Variants in RHOH observed in about 807,000 individuals in gnomAD.
The protein encoded by RHOH is rho-related GTP-binding protein RhoH.
In RHOH, 6 loss-of-function variants were observed where a neutral mutation model predicts 13.8. The ratio of observed to expected loss-of-function variants is 0.44; its 90% confidence interval spans 0.24 to 0.86. The LOEUF is 0.86. Ranked by LOEUF, RHOH falls within the 40% of genes least tolerant of loss-of-function variation. The pLI, the probability that RHOH is intolerant of heterozygous loss-of-function variation, is 0.24. For synonymous variants in RHOH, 117 were observed against 103.0 expected, an observed-to-expected ratio of 1.14 and a Z score of -0.82; for missense variants, 147 against 244.5, an observed-to-expected ratio of 0.60 and a Z score of 2.66.
At chr4:40,237,677 T>A (rs10031396) in intron 1 of RHOH, among the ~76,000 whole-genome samples, 1 of 152,042 alleles carries the variant, frequency 6.6e-6, no homozygotes, top group African/African-American at 2.4e-5. Context: ...TCTTAGTGAA[T>A]GAATCAGCTG....
chr4:40,227,023 G>A lies in RHOH; in HGVS notation c.-330-15691G>A, dbSNP rs529405716. Among the ~76,000 whole-genome samples, 110 of 152,198 alleles carry A rather than the reference G, an allele frequency of 7.2e-4. 2 individuals carry two copies. Among genetic ancestry groups the A allele is most frequent in the African/African-American group, 2.4e-3 (101 of 41,516 alleles). On this transcript the variant is annotated intron_variant, in intron 1 of 2. Transcript: ENST00000381799. ...AAAATACAAAAATTATCCGGGTGTG[G>A]TGGTGCATGCCTGTAATTCCAGCTA...
intron 1 of RHOH, among the ~76,000 whole-genome samples, chr4:40,238,294 G>A (rs1424850170): frequency 6.6e-6 from 1 of 152,258 alleles, no homozygotes; most frequent in Non-Finnish European, 1.5e-5. Context: ...GCTGAGTGAA[G>A]AGCAGGTCTT....
At chr4:40,191,854 G>T (rs1315263294), upstream of RHOH, among the ~76,000 whole-genome samples, 1 of 151,786 alleles carries the variant, frequency 6.6e-6, no homozygotes, top group African/African-American at 2.4e-5. Flanking sequence ...TAACAGCAGG[G>T]GAAATGATGT....
intron 1 of RHOH, among the ~76,000 whole-genome samples, chr4:40,224,235 T>G (rs1043647905): frequency 6.6e-6 from 1 of 152,254 alleles, no homozygotes; most frequent in Non-Finnish European, 1.5e-5. Context: ...ACCTAATTCC[T>G]TCTAATGCTG....
intron 1 of RHOH, among the ~76,000 whole-genome samples, chr4:40,229,681 T>C (rs1454270865): frequency 6.6e-6 from 1 of 151,480 alleles, no homozygotes; most frequent in Non-Finnish European, 1.5e-5. Flanking sequence ...CCCCCACGCT[T>C]TAAAACTTTT....
intron 1 of RHOH, among the ~76,000 whole-genome samples, chr4:40,227,621 G>C (rs995753478): frequency 6.6e-6 from 1 of 152,034 alleles, no homozygotes; most frequent in Non-Finnish European, 1.5e-5. Flanking sequence ...GGAGTACCAG[G>C]AATCTGGGGA....
At chr4:40,202,709 CTG>C (rs1724159193) in intron 1 of RHOH, among the ~76,000 whole-genome samples, 1 of 152,140 alleles carries the variant, frequency 6.6e-6, no homozygotes, top group South Asian at 2.1e-4. Flanking sequence ...AAGTAAGTAA[CTG>C]TGTCCTGAGG....
chr4:40,231,474 C>T (rs59749454), intron 1 of RHOH, among the ~76,000 whole-genome samples: 1,589 of 152,290 alleles, frequency 0.01, 34 homozygotes, highest in African/African-American at 0.036. Flanking sequence ...CATATGACGG[C>T]AGCCTGTGGC....
In RHOH at chr4:40,243,295, TCCCC is replaced by T. The variant is rs770961428; in HGVS notation, c.-91_-88del. ...GGACACAGACCTACCTGGCTTGCAT[TCCCC>T]TTGCTGAATGGCGTGTGCTGCAGCT... On this transcript the variant is annotated 5_prime_UTR_variant, in exon 3 of 3. Transcript: ENST00000381799. The surrounding 1 kb of genome is among the most constrained non-coding windows in gnomAD (Gnocchi z 6.2). 4 of 1,160,834 alleles carry T rather than the reference TCCCC, an allele frequency of 3.4e-6. No homozygotes were observed. Among genetic ancestry groups the T allele is most frequent in the Non-Finnish European group, 4.9e-6 (4 of 819,544 alleles). 71.9% of individuals were successfully genotyped at this position (1,160,834 alleles called of 1,614,324 possible). A position where few individuals can be genotyped will look rare whatever the true frequency, so the allele number is the denominator to read the frequency against.
At chr4:40,196,692 C>CTTTTT (rs397768063), upstream of RHOH, among the ~76,000 whole-genome samples, 2 of 117,678 alleles carry the variant, frequency 1.7e-5, no homozygotes, top group Non-Finnish European at 1.7e-5. Flanking sequence ...GTGGCATGGA[C>CTTTTT]TTTTTTTTTT....
rs549802852 is a variant in RHOH, at chr4:40,234,744, CTTTTTTTTTTTTT to C, written c.-330-7956_-330-7944del. ...TATGTTAAAAGTTGCAAATCAGCAT[CTTTTTTTTTTTTT>C]TTTTTTTTTTTTTGTAGAAACAGGG... On this transcript the variant is annotated intron_variant, in intron 1 of 2. Transcript: ENST00000381799. Among the ~76,000 whole-genome samples the C allele has an allele frequency of 4.9e-5, 5 of 101,100 alleles. No individual in the cohort carries two copies. The East Asian group carries it at 1.0e-3, about 21-fold the overall frequency. 66.3% of individuals were successfully genotyped at this position (101,100 alleles called of 152,430 possible).
intron 1 of RHOH, among the ~76,000 whole-genome samples, chr4:40,217,024 G>A (rs1725972049): frequency 6.6e-6 from 1 of 152,222 alleles, no homozygotes; most frequent in Non-Finnish European, 1.5e-5. Flanking sequence ...TGCTGAGCAG[G>A]ATGGGTTGGA....
chr4:40,219,842 T>C (rs1183558113), intron 1 of RHOH, among the ~76,000 whole-genome samples: 1 of 152,128 alleles, frequency 6.6e-6, no homozygotes, highest in East Asian at 1.9e-4. Flanking sequence ...CAATGTTGCA[T>C]AGTCTGGAGA....
At chr4:40,242,996 T>TGTGTGTGTGTG (rs1355907479) in intron 2 of RHOH, 162 bp downstream of exon 2, 1 of 124,046 alleles carries the variant, frequency 8.1e-6, no homozygotes, top group African/African-American at 3.6e-5. Context: ...TGTGTGTGTG[T>TGTGTGTGTGTG]TGGGGGAAGA....
Position 40,243,551 on chromosome 4 carries a change from C to T in RHOH, c.165C>T (p.Gly55=), listed in dbSNP as rs1391559187. Residue 55 remains glycine, a synonymous_variant, in exon 3 of 3, where the codon GGC becomes GGT. Transcript: ENST00000381799. This position sits in a 1 kb window ranked among gnomAD's most constrained non-coding sequence, Gnocchi z 6.2. ...TGGATGGCATCCAGATCAGCCTGGG[C>T]CTCTGGGACACAGCCGGCAATGACG... ...VFMDGIQISL[G]LWDTAGNDAF... The T allele has an allele frequency of 1.2e-6, 2 of 1,614,134 alleles. No homozygotes were observed. The highest frequency in any genetic ancestry group is 1.6e-4 in the Middle Eastern group (1 of 6,062).
At chr4:40,239,364 C>T (rs1382080960) in intron 1 of RHOH, among the ~76,000 whole-genome samples, 2 of 152,116 alleles carry the variant, frequency 1.3e-5, no homozygotes, top group African/African-American at 4.8e-5. Context: ...AGGAGTCTCT[C>T]TCTTTCTTTC....
At chr4:40,213,442 C>T (rs1375954803) in intron 1 of RHOH, among the ~76,000 whole-genome samples, 1 of 151,362 alleles carries the variant, frequency 6.6e-6, no homozygotes, top group Non-Finnish European at 1.5e-5. Flanking sequence ...GGAAATGGAA[C>T]ACGGAAGAGT....
intron 1 of RHOH, 61 bp downstream of exon 1, chr4:40,197,361 A>T (rs2109340058): frequency 6.6e-6 from 1 of 150,890 alleles, no homozygotes; most frequent in Non-Finnish European, 1.5e-5. Context: ...TTCTAATTTT[A>T]TTTAGCTTTT....
chr4:40,200,112 G>C (rs10016721), intron 1 of RHOH, among the ~76,000 whole-genome samples: 11,191 of 152,154 alleles, frequency 0.074, 1,133 homozygotes, highest in African/African-American at 0.22. Context: ...ACAGTGTGGG[G>C]GCTGGGGTGG....
Sources: gnomAD v4.1 joint callset for allele counts (sites outside exome capture counted in the v4.1 genomes callset) on GRCh38, gnomAD v4.1.1 for gene constraint, Gnocchi (gnomAD v3.1) non-coding constraint, MANE v1.5 for transcripts, NCBI Gene and HGNC (gene_info 2026-07-23, HGNC 2026-07-21) for gene names.